PLS1: variants seen among roughly 807,000 people sequenced by gnomAD.
The protein encoded by PLS1 is plastin-1.
PLS1 carries 32 observed loss-of-function variants against 73.7 expected under a neutral mutation model. That is an observed-to-expected ratio of 0.43 (90% CI 0.33 to 0.58). PLS1 has a LOEUF of 0.58. Among genes scored for constraint, PLS1 ranks in the 20% least tolerant of loss-of-function variants. PLS1 has a pLI of 0.04. For missense variants in PLS1, 633 were observed against 740.5 expected, an observed-to-expected ratio of 0.85 and a Z score of 1.68; for synonymous variants, 217 against 261.3, an observed-to-expected ratio of 0.83 and a Z score of 1.63.
intron 5 of PLS1, among the ~76,000 whole-genome samples, chr3:142,676,509 C>T (rs2037728833): frequency 6.6e-6 from 1 of 152,104 alleles, no homozygotes; most frequent in Non-Finnish European, 1.5e-5. Context: ...TTGCCTTTTA[C>T]GTGTATTACT....
intron 1 of PLS1, chr3:142,656,898 A>T (rs369895501): frequency 2.0e-5 from 3 of 152,238 alleles, no homozygotes; most frequent in Non-Finnish European, 2.9e-5. Context: ...ATCTCAGTCA[A>T]TTCTCCATAG....
chr3:142,697,812 T>C (rs2038241883), intron 11 of PLS1, 141 bp from the exon 12 acceptor site: 1 of 545,594 alleles, frequency 1.8e-6, no homozygotes. Flanking sequence ...AAGTTCTGGG[T>C]CAAATGATAT....
intron 1 of PLS1, among the ~76,000 whole-genome samples, 185 bp downstream of exon 1, chr3:142,596,694 C>T (rs2035822359): frequency 6.6e-6 from 1 of 152,220 alleles, no homozygotes; most frequent in South Asian, 2.1e-4. Flanking sequence ...TGCCCAGTCC[C>T]GGCAGGCAGT....
chr3:142,689,390 TC>T (rs1292244517), intron 9 of PLS1, among the ~76,000 whole-genome samples: 1 of 151,682 alleles, frequency 6.6e-6, no homozygotes, highest in Non-Finnish European at 1.5e-5. Context: ...GCCACTGCAC[TC>T]CAGCCTGGGG....
intron 1 of PLS1, among the ~76,000 whole-genome samples, chr3:142,640,910 T>C (rs1471032603): frequency 6.6e-6 from 1 of 152,012 alleles, no homozygotes; most frequent in Non-Finnish European, 1.5e-5. Flanking sequence ...GTTATAAAAG[T>C]AATATTTGAG....
chr3:142,599,145 A>G (rs1223718783), intron 1 of PLS1, among the ~76,000 whole-genome samples: 1 of 151,704 alleles, frequency 6.6e-6, no homozygotes, highest in Non-Finnish European at 1.5e-5. Context: ...GCTTTGCAGT[A>G]TCAGACACTC....
Position 142,676,308 on chromosome 3 carries a change from T to C in PLS1, c.497+19T>C, listed in dbSNP as rs745307138. ...TTCTTTGGTGAGTTGAACTTCTGGT[T>C]AAGGAAGCTGCGTTCTTGCTGATTA... On this transcript the variant is annotated intron_variant, in intron 5 of 15. Transcript: ENST00000457734. 17 of 1,608,586 alleles carry C rather than the reference T, an allele frequency of 1.1e-5. No individual in the cohort carries two copies. Among genetic ancestry groups the C allele is most frequent in the Non-Finnish European group, 1.1e-5 (13 of 1,177,890 alleles).
chr3:142,649,472 A>G (rs1481486528), intron 1 of PLS1, among the ~76,000 whole-genome samples: 1 of 151,876 alleles, frequency 6.6e-6, no homozygotes, highest in Middle Eastern at 3.4e-3. Flanking sequence ...CCCCATCTCT[A>G]CTAAAAATAC....
intron 12 of PLS1, among the ~76,000 whole-genome samples, chr3:142,701,217 G>T (rs1022728816): frequency 6.6e-6 from 1 of 152,120 alleles, no homozygotes; most frequent in Admixed American, 6.6e-5. Context: ...TCCAAGGCCT[G>T]GTTCTTGGGC....
At chr3:142,697,416 AC>A (rs2038234644) in intron 11 of PLS1, among the ~76,000 whole-genome samples, 1 of 152,112 alleles carries the variant, frequency 6.6e-6, no homozygotes, top group Non-Finnish European at 1.5e-5. Flanking sequence ...AAAACATTCC[AC>A]CCTTACTCTC....
intron 1 of PLS1, among the ~76,000 whole-genome samples, chr3:142,621,384 T>G (rs2036311656): frequency 6.6e-6 from 1 of 152,122 alleles, no homozygotes; most frequent in South Asian, 2.1e-4. Flanking sequence ...CTACCCTCTG[T>G]GTTCAAGGAT....
intron 1 of PLS1, among the ~76,000 whole-genome samples, chr3:142,631,596 G>A (rs1034541259): frequency 6.7e-6 from 1 of 149,868 alleles, no homozygotes; most frequent in African/African-American, 2.5e-5. Context: ...GGGAGGTCGA[G>A]GGTGCAGTGC....
intron 4 of PLS1, among the ~76,000 whole-genome samples, chr3:142,675,020 C>T (rs1160348602): frequency 1.3e-5 from 2 of 152,094 alleles, no homozygotes; most frequent in African/African-American, 4.8e-5. Flanking sequence ...CATGAGCCAC[C>T]GCACCCAGCC....
chr3:142,699,392 G>A (rs534607897), intron 12 of PLS1, among the ~76,000 whole-genome samples: 3 of 152,288 alleles, frequency 2.0e-5, no homozygotes, highest in Admixed American at 6.5e-5. Context: ...CCGGGAGGCA[G>A]AGTTTGCAGT....
chr3:142,705,094 C>T lies in PLS1; in HGVS notation c.1629+508C>T, dbSNP rs116364300. 5.9e-3 allele frequency among the ~76,000 whole-genome samples: 901 copies of T among 152,048 alleles called. 8 individuals carry two copies. The highest frequency in any genetic ancestry group is 0.021 in the African/African-American group (852 of 41,484). On this transcript the variant is annotated intron_variant, in intron 14 of 15. Transcript: ENST00000457734. ...AACTTGAAATATTCAGTTTTAATTA[C>T]TAAATTTTTGATTGGTTGTCCAGTT... is the stretch of plus-strand genomic sequence containing the variant.
At chr3:142,672,749 T>TA (rs1448615730) in intron 4 of PLS1, among the ~76,000 whole-genome samples, 7 of 152,214 alleles carry the variant, frequency 4.6e-5, no homozygotes, top group Admixed American at 4.6e-4. Flanking sequence ...ATGGCTTTTA[T>TA]AAAAAATAGC....
chr3:142,644,001 G>T (rs1215415054), intron 1 of PLS1, among the ~76,000 whole-genome samples: 1 of 151,328 alleles, frequency 6.6e-6, no homozygotes, highest in Non-Finnish European at 1.5e-5. Context: ...AGCTAATTTT[G>T]TATTCTAGTA....
chr3:142,641,874 A>G (rs924984075), intron 1 of PLS1, among the ~76,000 whole-genome samples: 8 of 151,958 alleles, frequency 5.3e-5, no homozygotes, highest in Admixed American at 4.6e-4. Context: ...TATCTGTAGT[A>G]TGTGTTAAGT....
At chr3:142,623,605 C>T (rs1019192724) in intron 1 of PLS1, 2 of 152,132 alleles carry the variant, frequency 1.3e-5, no homozygotes, top group Non-Finnish European at 2.9e-5. Context: ...AAGACAGCCT[C>T]GGATTCCAGG....
Sources: gnomAD v4.1 joint callset for allele counts (sites outside exome capture counted in the v4.1 genomes callset) on GRCh38, gnomAD v4.1.1 for gene constraint, MANE v1.5 for transcripts, NCBI Gene and HGNC (gene_info 2026-07-23, HGNC 2026-07-21) for gene names.